SETD7: variants seen among roughly 807,000 people sequenced by gnomAD.
SETD7 encodes the protein SET domain containing 7, histone lysine methyltransferase.
SETD7 carries 16 observed loss-of-function variants against 41.8 expected under a neutral mutation model. The observed-to-expected ratio is 0.38, with a 90% CI of 0.26 to 0.58. The LOEUF is 0.58. SETD7 is among the 20% of genes least tolerant of loss of function. SETD7 has a pLI of 0.64. For missense variants in SETD7, 346 were observed against 459.7 expected (o/e 0.75, Z 2.26); for synonymous variants, 163 against 169.7 (o/e 0.96, Z 0.31).
chr4:139,543,918 C>A (rs1415506345), intron 2 of SETD7, among the ~76,000 whole-genome samples: 1 of 151,824 alleles, frequency 6.6e-6, no homozygotes, highest in Non-Finnish European at 1.5e-5. Context: ...GAGCCGAGAT[C>A]GCGCCGCTGC....
intron 2 of SETD7, among the ~76,000 whole-genome samples, chr4:139,533,636 G>T (rs1420518797): frequency 1.3e-5 from 2 of 152,206 alleles, no homozygotes; most frequent in Non-Finnish European, 2.9e-5. Context: ...AAAAGCTACT[G>T]ATGGAAACTG....
chr4:139,552,090 G>A (rs543473806), intron 1 of SETD7, among the ~76,000 whole-genome samples: 1 of 151,980 alleles, frequency 6.6e-6, no homozygotes, highest in Non-Finnish European at 1.5e-5. Context: ...TTTTTTAAGG[G>A]TAATTGTTGG....
rs773482699 is a variant in SETD7, at chr4:139,511,783, G to A, written c.981C>T (p.Ala327=). ...CATAGGCAACGGTGAGCTCTTCATC[G>A]GCCTCCACTGCTCTCAGGGTGCGGA... is the stretch of plus-strand genomic sequence containing the variant. ...KCIRTLRAVE[A]DEELTVAYGY... The change falls in exon 8 of 8, where the codon GCC becomes GCT. Residue 327 remains alanine, a synonymous_variant. Coordinates refer to ENST00000274031, the MANE Select transcript of SETD7 (RefSeq NM_030648.4). The A allele has an allele frequency of 1.9e-5, 31 of 1,613,936 alleles. No homozygotes were observed. The highest frequency in any genetic ancestry group is 8.3e-5 in the Admixed American group (5 of 59,986).
intron 7 of SETD7, among the ~76,000 whole-genome samples, chr4:139,513,179 G>A (rs1187029015): frequency 6.6e-6 from 1 of 151,990 alleles, no homozygotes; most frequent in African/African-American, 2.4e-5. Context: ...CAGCACTTTG[G>A]GAGGCTGAGG....
Position 139,546,757 on chromosome 4 carries a change from G to A in SETD7, c.170+163C>T. The A allele has an allele frequency of 1.0e-5, 9 of 889,912 alleles. No individual in the cohort carries two copies. The South Asian group carries it at 1.3e-4, about 13-fold the overall frequency. 55.1% of individuals were successfully genotyped at this position (889,912 alleles called of 1,614,324 possible). Reference sequence around the variant, plus strand: ...TAGGCTGGCTGTCCCATAACCACAGGGTGACTTCCCCAGTCACCAAAGCAG... The same window carrying A: ...TAGGCTGGCTGTCCCATAACCACAGAGTGACTTCCCCAGTCACCAAAGCAG... On this transcript the variant is annotated intron_variant, in intron 2 of 7. Transcript: ENST00000274031.
chr4:139,532,041 C>A (rs1236960986), intron 3 of SETD7, among the ~76,000 whole-genome samples: 1 of 152,200 alleles, frequency 6.6e-6, no homozygotes, highest in African/African-American at 2.4e-5. Context: ...TTGCAGTAAG[C>A]CGACATGGCA....
chr4:139,512,752 C>CTTTTT (rs140570195), intron 7 of SETD7, among the ~76,000 whole-genome samples: 15 of 75,528 alleles, frequency 2.0e-4, no homozygotes, highest in African/African-American at 2.5e-4. Flanking sequence ...TTTTCTTATT[C>CTTTTT]TTTTTTTTTT....
chr4:139,494,015 C>T (rs1477410048), downstream of SETD7, among the ~76,000 whole-genome samples: 1 of 152,126 alleles, frequency 6.6e-6, no homozygotes, highest in African/African-American at 2.4e-5. Context: ...ATCTGGTGGC[C>T]AGCCTTAGCT....
chr4:139,540,491 T>A (rs1263380380), intron 2 of SETD7, among the ~76,000 whole-genome samples: 1 of 152,240 alleles, frequency 6.6e-6, no homozygotes, highest in South Asian at 2.1e-4. Flanking sequence ...GGTTCTAGAA[T>A]TGAATTCGCC....
In SETD7 at chr4:139,517,897, C is replaced by G. The variant is rs1727072447; in HGVS notation, c.908G>C (p.Cys303Ser). The G allele has an allele frequency of 6.2e-7, 1 of 1,613,126 alleles. No individual in the cohort carries two copies. Among genetic ancestry groups the G allele is most frequent in the African/African-American group, 1.3e-5 (1 of 75,012 alleles). Residue 303 changes from cysteine to serine, a missense_variant, in exon 7 of 8, where the codon TGC becomes TCC. Cys to Ser is a moderately radical substitution (Grantham distance 112). Around this residue, in one of 3 missense-constraint regions of SETD7, gnomAD observed 266 missense variants for 377.0 expected, o/e 0.71. Coordinates refer to ENST00000274031, the MANE Select transcript of SETD7 (RefSeq NM_030648.4). Reference protein sequence around the residue: ...HKANHSFTPNCIYDMFVHPRF... With the variant: ...HKANHSFTPNSIYDMFVHPRF... Reference sequence around the variant, plus strand: ...GGGTAATACTTACATATCGTAGATGCAGTTTGGAGTGAAGGAGTGATTTGC... The same window carrying G: ...GGGTAATACTTACATATCGTAGATGGAGTTTGGAGTGAAGGAGTGATTTGC...
At chr4:139,515,336 TAACA>T (rs1192070272) in intron 7 of SETD7, among the ~76,000 whole-genome samples, 1 of 152,166 alleles carries the variant, frequency 6.6e-6, no homozygotes, top group East Asian at 1.9e-4. Context: ...GCAAACAAAC[TAACA>T]AACAACAATA....
At chr4:139,541,003 A>G (rs1195766309) in intron 2 of SETD7, among the ~76,000 whole-genome samples, 1 of 152,248 alleles carries the variant, frequency 6.6e-6, no homozygotes, top group Admixed American at 6.5e-5. Flanking sequence ...TTATTTGGCC[A>G]GTGATAAATT....
At chr4:139,523,099 C>T (rs1008830299) in intron 5 of SETD7, among the ~76,000 whole-genome samples, 7 of 152,104 alleles carry the variant, frequency 4.6e-5, no homozygotes, top group African/African-American at 1.7e-4. Flanking sequence ...GACAGACACA[C>T]AAGCTGTTCT....
In SETD7 at chr4:139,510,749, G is replaced by GA. The variant is rs1726848680; in HGVS notation, c.*913dup. 6.6e-6 allele frequency: 1 copy of GA among 152,442 alleles called. No individual in the cohort carries two copies. The highest frequency in any genetic ancestry group is 1.5e-5 in the Non-Finnish European group (1 of 68,010). 9.4% of individuals were successfully genotyped at this position (152,442 alleles called of 1,614,324 possible). A position where few individuals can be genotyped will look rare whatever the true frequency, so the allele number is the denominator to read the frequency against. On this transcript the variant is annotated 3_prime_UTR_variant, in exon 8 of 8. Transcript: ENST00000274031. Reference sequence around the variant, plus strand: ...GTACATTTAATGTGTACTCAAGGAGGAAAAAATTACTAGCACTACTGAAAA... The same window carrying GA: ...GTACATTTAATGTGTACTCAAGGAGGAAAAAAATTACTAGCACTACTGAAAA...
At chr4:139,534,028 G>A (rs1020554726) in intron 2 of SETD7, among the ~76,000 whole-genome samples, 2 of 152,040 alleles carry the variant, frequency 1.3e-5, no homozygotes, top group Non-Finnish European at 2.9e-5. Context: ...ATCATGGCCA[G>A]TAGGGGCAAG....
intron 7 of SETD7, among the ~76,000 whole-genome samples, chr4:139,499,907 C>G (rs1726535410): frequency 6.6e-6 from 1 of 152,186 alleles, no homozygotes; most frequent in Non-Finnish European, 1.5e-5. Flanking sequence ...AGAATCTAGA[C>G]AGAGAGGTTT....
chr4:139,551,526 A>G (rs1182706023), intron 1 of SETD7, among the ~76,000 whole-genome samples: 1 of 152,212 alleles, frequency 6.6e-6, no homozygotes, highest in Non-Finnish European at 1.5e-5. Flanking sequence ...TGAATCTGAT[A>G]AGAGCCAGGC....
Position 139,533,282 on chromosome 4 carries a change from C to T in SETD7, c.255G>A (p.Thr85=), listed in dbSNP as rs151011357. The change falls in exon 3 of 8, where the codon ACG becomes ACA. Residue 85 remains threonine, a synonymous_variant. Coordinates refer to ENST00000274031, the MANE Select transcript of SETD7 (RefSeq NM_030648.4). ...GACCGTTCAGCTCTCCGTCTACATA[C>T]GTGCCCTGGAGAACTCCCCCATCTT... The part of the protein sequence containing the change: ...TYEDGGVLQG[T]YVDGELNGPA... 794 of 1,614,126 alleles carry T rather than the reference C, an allele frequency of 4.9e-4. 3 individuals are homozygous for T. Among genetic ancestry groups the T allele is most frequent in the Middle Eastern group, 1.2e-3 (7 of 6,062 alleles).
At chr4:139,493,250 G>T (rs1379064016), downstream of SETD7, among the ~76,000 whole-genome samples, 4 of 152,236 alleles carry the variant, frequency 2.6e-5, no homozygotes, top group African/African-American at 9.6e-5. Context: ...CACCTCTGAT[G>T]AGGGCGGTGT....
Sources: allele counts gnomAD v4.1 joint callset (sites outside exome capture counted in the v4.1 genomes callset), GRCh38; gene constraint gnomAD v4.1.1; regional missense constraint gnomAD v4.1.1; transcripts MANE v1.5; gene names NCBI Gene and HGNC (gene_info 2026-07-23, HGNC 2026-07-21).